TM9SF2: variants seen among roughly 807,000 people sequenced by gnomAD.
TM9SF2 encodes the protein transmembrane 9 superfamily member 2.
In TM9SF2, 13 loss-of-function variants were observed where a neutral mutation model predicts 84.9. The observed-to-expected ratio is 0.15, with a 90% CI of 0.10 to 0.24. The LOEUF (loss-of-function observed/expected upper bound fraction) is 0.24. Ranked by LOEUF, TM9SF2 falls within the 10% of genes least tolerant of loss-of-function variation. TM9SF2 has a pLI of 1.00. For synonymous variants in TM9SF2, 273 were observed against 285.8 expected (o/e 0.96, Z 0.45); for missense variants, 562 against 818.5 (o/e 0.69, Z 3.82).
At chr13:99,508,410 C>CACAT (rs2046098103) in intron 1 of TM9SF2, among the ~76,000 whole-genome samples, 3 of 147,228 alleles carry the variant, frequency 2.0e-5, no homozygotes, top group Non-Finnish European at 4.5e-5. Context: ...ACAAAACACA[C>CACAT]ACACACACAC....
At chr13:99,554,563 T>C in intron 14 of TM9SF2, 108 bp downstream of exon 14, 1 of 1,201,434 alleles carries the variant, frequency 8.3e-7, no homozygotes, top group Non-Finnish European at 1.1e-6. Context: ...TAAGCAGTTC[T>C]TCAGTAACCA....
In TM9SF2 at chr13:99,529,507, C is replaced by T; in HGVS notation, c.374C>T (p.Thr125Ile). The T allele has an allele frequency of 1.3e-6, 2 of 1,587,866 alleles. No individual in the cohort carries two copies. The highest frequency in any genetic ancestry group is 1.7e-6 in the Non-Finnish European group (2 of 1,171,114). Residue 125 changes from threonine (T) to isoleucine (I), a missense_variant, in exon 4 of 17, where the codon ACA (threonine) becomes ATA (isoleucine). By Grantham distance (89) the Thr-to-Ile change is moderately conservative. This residue lies in a region of TM9SF2 where 267 missense variants were observed against 316.7 expected (regional missense o/e 0.84). Transcript: ENST00000376387. ...NKKETCKLVC[T>I]KTYHTEKAED... is the part of the protein sequence containing the mutation. ...AAGGAGACCTGTAAGCTTGTTTGTA[C>T]AAAAACATACCATACAGAGAAAGCT...
chr13:99,517,567 T>C (rs1043110932), intron 1 of TM9SF2, 47 bp from the exon 2 acceptor site: 1 of 1,288,220 alleles, frequency 7.8e-7, no homozygotes, highest in East Asian at 2.5e-5. Flanking sequence ...ACTTAAGGCT[T>C]TGTGTCCTGT....
intron 1 of TM9SF2, 60 bp from the exon 2 acceptor site, chr13:99,517,554 A>G: frequency 1.8e-6 from 2 of 1,118,560 alleles, no homozygotes; most frequent in East Asian, 2.6e-5. Context: ...AATTCTAAGC[A>G]TGACTTAAGG....
At chr13:99,543,794 T>C in intron 9 of TM9SF2, 69 bp from the exon 10 acceptor site, 1 of 1,543,842 alleles carries the variant, frequency 6.5e-7, no homozygotes, top group Non-Finnish European at 8.7e-7. Context: ...TATTCAACAG[T>C]GAACAAACTG....
chr13:99,513,980 C>T (rs541696664), intron 1 of TM9SF2, among the ~76,000 whole-genome samples: 2 of 152,166 alleles, frequency 1.3e-5, no homozygotes, highest in South Asian at 2.1e-4. Context: ...ATAAAATTAG[C>T]GTCATTTTTC....
chr13:99,537,887 T>C, intron 6 of TM9SF2, 24 bp downstream of exon 6: 1 of 1,590,920 alleles, frequency 6.3e-7, no homozygotes, highest in Non-Finnish European at 8.5e-7. Context: ...TGATAAAAAG[T>C]AAACAAGTAT....
At chr13:99,501,850 C>T in intron 1 of TM9SF2, 73 bp downstream of exon 1, 2 of 1,540,146 alleles carry the variant, frequency 1.3e-6, no homozygotes, top group South Asian at 1.2e-5. Flanking sequence ...GGAGCTGATC[C>T]TCGGGTGGGA....
chr13:99,562,899 T>C lies in TM9SF2; in HGVS notation c.*141T>C. ...AACACCGTAATTCTAAATAAACCTCTTCCCATACACCTTTCCCCCATAAGA... is the reference window on the plus strand; with the variant it reads ...AACACCGTAATTCTAAATAAACCTCCTCCCATACACCTTTCCCCCATAAGA... On this transcript the variant is annotated 3_prime_UTR_variant, in exon 17 of 17. Transcript: ENST00000376387. 1 of 700,380 alleles carries C rather than the reference T, an allele frequency of 1.4e-6. No individual in the cohort carries two copies. Among genetic ancestry groups the C allele is most frequent in the Non-Finnish European group, 2.4e-6 (1 of 422,906 alleles). 43.4% of individuals were successfully genotyped at this position (700,380 alleles called of 1,614,324 possible).
chr13:99,562,858 C>T lies in TM9SF2; in HGVS notation c.*100C>T. 1.8e-6 allele frequency: 2 copies of T among 1,126,266 alleles called. No individual in the cohort carries two copies. Among genetic ancestry groups the T allele is most frequent in the East Asian group, 4.8e-5 (2 of 41,994 alleles). 69.8% of individuals were successfully genotyped at this position (1,126,266 alleles called of 1,614,324 possible). On this transcript the variant is annotated 3_prime_UTR_variant, in exon 17 of 17. Coordinates refer to ENST00000376387, the MANE Select transcript of TM9SF2 (RefSeq NM_004800.3). ...CTTGAGTTTTATCAGAATTATTGGC[C>T]TAGTAATCCTTCAGAAACACCGTAA...
intron 2 of TM9SF2, chr13:99,519,560 AG>A (rs2046150139): frequency 6.4e-6 from 1 of 155,480 alleles, no homozygotes; most frequent in Non-Finnish European, 1.4e-5. Context: ...CTCTTCACAG[AG>A]GGTCTTTTTA....
In TM9SF2 at chr13:99,508,443, A is replaced by ACC. The variant is rs61347104; in HGVS notation, c.171+6669_171+6670dup. Among the ~76,000 whole-genome samples the ACC allele has an allele frequency of 2.5e-3, 372 of 147,554 alleles. 1 individual carries two copies. Among genetic ancestry groups the ACC allele is most frequent in the Middle Eastern group, 0.01 (3 of 288 alleles). On this transcript the variant is annotated intron_variant, in intron 1 of 16. Transcript: ENST00000376387. ...CACACACACACACACACACACACAC[A>ACC]CCCCAGAGATTCAGTAGCTACTCCA...
chr13:99,505,072 TTAAC>T (rs1206460164), intron 1 of TM9SF2, among the ~76,000 whole-genome samples: 1 of 152,244 alleles, frequency 6.6e-6, no homozygotes, highest in Non-Finnish European at 1.5e-5. Context: ...TTGATTTCCT[TTAAC>T]TAAATAATAC....
intron 3 of TM9SF2, among the ~76,000 whole-genome samples, chr13:99,526,955 A>G (rs1257548377): frequency 6.6e-6 from 1 of 152,136 alleles, no homozygotes; most frequent in Non-Finnish European, 1.5e-5. Flanking sequence ...GAGAGAAAAC[A>G]GGCACCACCA....
chr13:99,548,658 A>G (rs547051821), intron 11 of TM9SF2, among the ~76,000 whole-genome samples: 7 of 152,130 alleles, frequency 4.6e-5, no homozygotes, highest in Admixed American at 1.3e-4. Context: ...TAACCCTTCT[A>G]CTCTTCTTAG....
At chr13:99,514,748 A>G (rs2046127003) in intron 1 of TM9SF2, among the ~76,000 whole-genome samples, 1 of 152,260 alleles carries the variant, frequency 6.6e-6, no homozygotes, top group Non-Finnish European at 1.5e-5. Flanking sequence ...TTCTTCAGCT[A>G]CATTGACTGC....
In TM9SF2 at chr13:99,562,832, C is replaced by A; in HGVS notation, c.*74C>A. 7.0e-7 allele frequency: 1 copy of A among 1,433,464 alleles called. No homozygotes were observed. Among genetic ancestry groups the A allele is most frequent in the Non-Finnish European group, 9.7e-7 (1 of 1,032,188 alleles). 88.8% of individuals were successfully genotyped at this position (1,433,464 alleles called of 1,614,324 possible). On this transcript the variant is annotated 3_prime_UTR_variant, in exon 17 of 17. Transcript: ENST00000376387. ...CAACAAAGACCTGTTTTTGTGACTG[C>A]CTTGAGTTTTATCAGAATTATTGGC...
At position 99,508,404 on chromosome 13, in the gene TM9SF2, A is replaced by AACACACACACACACAC. The variant is rs61561266; in HGVS notation, c.171+6652_171+6667dup. ...AGAGTGGGAAAAAAAAGGCAAACAA[A>AACACACACACACACAC]ACACACACACACACACACACACACA... On this transcript the variant is annotated intron_variant, in intron 1 of 16. Coordinates refer to ENST00000376387, the MANE Select transcript of TM9SF2 (RefSeq NM_004800.3). Among the ~76,000 whole-genome samples, 901 of 134,472 alleles carry AACACACACACACACAC rather than the reference A, an allele frequency of 6.7e-3. 8 individuals are homozygous for AACACACACACACACAC. The highest frequency in any genetic ancestry group is 0.017 in the East Asian group (73 of 4,416). The allele number at this position is 134,472 out of a possible 152,430, so 88.2% of individuals were successfully genotyped here. A position where few individuals can be genotyped will look rare whatever the true frequency, so the allele number is the denominator to read the frequency against.
chr13:99,503,062 G>A (rs941900581), intron 1 of TM9SF2, among the ~76,000 whole-genome samples: 2 of 152,176 alleles, frequency 1.3e-5, no homozygotes, highest in Admixed American at 6.5e-5. Flanking sequence ...TTCATACTCT[G>A]CAGTGCAAGA....
Sources: gnomAD v4.1 joint callset for allele counts (sites outside exome capture counted in the v4.1 genomes callset) on GRCh38, gnomAD v4.1.1 for gene constraint, gnomAD v4.1.1 regional missense constraint, MANE v1.5 for transcripts, NCBI Gene and HGNC (gene_info 2026-07-23, HGNC 2026-07-21) for gene names.